CCDC88A: variants seen among roughly 807,000 people sequenced by gnomAD.
CCDC88A encodes girdin.
Under a neutral mutation model 234.3 loss-of-function variants are expected in CCDC88A, and 54 were observed. The observed-to-expected ratio is 0.23, with a 90% confidence interval of 0.19 to 0.29. The LOEUF is 0.29. Ranked by LOEUF, CCDC88A falls within the 10% of genes least tolerant of loss-of-function variation. The pLI, the probability that CCDC88A is intolerant of heterozygous loss-of-function variation, is 1.00. For synonymous variants in CCDC88A, 753 were observed against 737.8 expected (o/e 1.02, Z -0.33); for missense variants, 1,832 against 2,123.4 (o/e 0.86, Z 2.70).
chr2:55,306,886 A>G (rs1309016553), intron 25 of CCDC88A, among the ~76,000 whole-genome samples: 1 of 152,170 alleles, frequency 6.6e-6, no homozygotes, highest in East Asian at 1.9e-4. Context: ...TATAGCCCAT[A>G]ATTAATGCCT....
chr2:55,418,804 G>A lies in CCDC88A; in HGVS notation c.164+12C>T. 1 of 1,594,776 alleles carries A rather than the reference G, an allele frequency of 6.3e-7. No individual in the cohort carries two copies. The highest frequency in any genetic ancestry group is 8.6e-7 in the Non-Finnish European group (1 of 1,162,294). On this transcript the variant is annotated intron_variant, in intron 2 of 32. Transcript: ENST00000436346. ...AAAGAAAACGTTACCTAGGAAAGAAGGAAGAACTTACATTTGGAGCATGAC... is the reference window on the plus strand; with the variant it reads ...AAAGAAAACGTTACCTAGGAAAGAAAGAAGAACTTACATTTGGAGCATGAC...
chr2:55,320,836 G>A (rs1008705583), intron 18 of CCDC88A: 2 of 152,202 alleles, frequency 1.3e-5, no homozygotes, highest in African/African-American at 4.8e-5. Context: ...TAGGTTGGGT[G>A]TGGTGACTCA....
In CCDC88A at chr2:55,317,737, G is replaced by T. The variant is rs752352432; in HGVS notation, c.3429C>A (p.Ile1143=). The stretch of plus-strand genomic sequence containing the variant: ...GAGATTTTAGGTCTTCTCGCTCTTT[G>T]ATTACAGATTCATTTTCATTTTCTA... ...SSLENENESV[I]KEREDLKSLY... The change falls in exon 20 of 33, where the codon ATC becomes ATA. Residue 1143 remains isoleucine, a synonymous_variant. Transcript: ENST00000436346. This position sits in a 1 kb window ranked among gnomAD's most constrained non-coding sequence, Gnocchi z 4.2. 5 of 1,613,384 alleles carry T rather than the reference G, an allele frequency of 3.1e-6. No homozygotes were observed. The highest frequency in any genetic ancestry group is 3.4e-6 in the Non-Finnish European group (4 of 1,179,558).
intron 31 of CCDC88A, chr2:55,294,888 G>A (rs1679837325): frequency 3.7e-6 from 4 of 1,086,648 alleles, no homozygotes; most frequent in Non-Finnish European, 3.4e-6. Flanking sequence ...TTTTGGTGTG[G>A]TTACACATTC....
At chr2:55,371,021 C>G (rs974480914) in intron 5 of CCDC88A, among the ~76,000 whole-genome samples, 40 of 152,140 alleles carry the variant, frequency 2.6e-4, no homozygotes, top group African/African-American at 8.9e-4. Context: ...AAAAAAGGTC[C>G]TTGGTTCTGC....
chr2:55,320,816 A>C (rs1409762501), intron 18 of CCDC88A: 1 of 152,202 alleles, frequency 6.6e-6, no homozygotes, highest in African/African-American at 2.4e-5. Context: ...CTGAAAATTG[A>C]TGTGATTTTT....
rs1680047328 is a variant in CCDC88A at position 55,296,513 on chromosome 2, A to G, written c.4836T>C (p.Val1612=). 1 of 1,613,744 alleles carries G rather than the reference A, an allele frequency of 6.2e-7. No homozygotes were observed. The highest frequency in any genetic ancestry group is 8.5e-7 in the Non-Finnish European group (1 of 1,179,838). Residue 1612 remains valine, a synonymous_variant, in exon 30 of 33, where the codon GTT becomes GTC. Coordinates refer to ENST00000436346, the MANE Select transcript of CCDC88A (RefSeq NM_001365480.1). ...GGCTTTGTGGCCTGCTTTGGTTATTAACTGCACCTGCTTTTGGAGTAAATG... is the reference window on the plus strand; with the variant it reads ...GGCTTTGTGGCCTGCTTTGGTTATTGACTGCACCTGCTTTTGGAGTAAATG... ...ASLHEVKAGA[V]NNQSRPQSHS... is the part of the protein sequence containing the mutation.
At chr2:55,355,003 A>T (rs1182667952) in intron 8 of CCDC88A, among the ~76,000 whole-genome samples, 1 of 150,284 alleles carries the variant, frequency 6.7e-6, no homozygotes, top group Admixed American at 6.7e-5. Context: ...GGGATTTTTC[A>T]GCACCATTGT....
chr2:55,397,642 T>A (rs1677854119), intron 2 of CCDC88A, among the ~76,000 whole-genome samples: 1 of 152,044 alleles, frequency 6.6e-6, no homozygotes, highest in African/African-American at 2.4e-5. Flanking sequence ...GCTATCTTTG[T>A]CCCTGACAGA....
chr2:55,338,059 A>G (rs2104700564), intron 13 of CCDC88A, among the ~76,000 whole-genome samples: 1 of 152,300 alleles, frequency 6.6e-6, no homozygotes, highest in East Asian at 1.9e-4. Flanking sequence ...ATTAAAGTGA[A>G]ACATTCAGTT....
In CCDC88A at chr2:55,374,881, C is replaced by T; in HGVS notation, c.276G>A (p.Glu92=). The change falls in exon 4 of 33, where the codon GAG becomes GAA. Residue 92 remains glutamate, a splice_region_variant and synonymous_variant. Coordinates refer to ENST00000436346, the MANE Select transcript of CCDC88A (RefSeq NM_001365480.1). ...LVRQIKFYYQ[E]TLQQLIMMSL... is the part of the protein sequence containing the mutation. ...ACATCATGATCAATTGCTGCAAAGT[C>T]TCCTGTAAAAAAATATCCAACACTT... The T allele has an allele frequency of 6.3e-7, 1 of 1,599,662 alleles. No homozygotes were observed. Among genetic ancestry groups the T allele is most frequent in the Non-Finnish European group, 8.6e-7 (1 of 1,168,658 alleles).
chr2:55,415,905 C>G (rs1681291740), intron 2 of CCDC88A, among the ~76,000 whole-genome samples: 1 of 151,912 alleles, frequency 6.6e-6, no homozygotes, highest in African/African-American at 2.4e-5. Flanking sequence ...TAATGCATCC[C>G]AGAACGAAGC....
rs559297491 is a variant in CCDC88A at position 55,369,594 on chromosome 2, A to G, written c.402+2858T>C. Among the ~76,000 whole-genome samples, 12 of 151,904 alleles carry G rather than the reference A, an allele frequency of 7.9e-5. 1 individual carries two copies. Among genetic ancestry groups the G allele is most frequent in the African/African-American group, 2.7e-4 (11 of 41,414 alleles). ...AGCCTCCTGCGTAGCTGGGACTACA[A>G]GCGCAAGCCACTATGCCCAGCTATT... On this transcript the variant is annotated intron_variant, in intron 5 of 32. Coordinates refer to ENST00000436346, the MANE Select transcript of CCDC88A (RefSeq NM_001365480.1).
Position 55,334,494 on chromosome 2 carries a change from T to G in CCDC88A, c.2327A>C (p.Asn776Thr). ...QRLQKTLENS[N>T]KKIQQLESEL... ...ACTCTCTAATTGCTGGATTTTTTTA[T>G]TGCTGTTCTCTAAAGTTTTTTGCAG... The change falls in exon 15 of 33, where the codon AAT becomes ACT. Residue 776 changes from asparagine to threonine, a missense_variant. Asn to Thr is a moderately conservative substitution (Grantham distance 65). This residue lies in a region of CCDC88A where 1,282 missense variants were observed against 1,543.6 expected (regional missense o/e 0.83). Coordinates refer to ENST00000436346, the MANE Select transcript of CCDC88A (RefSeq NM_001365480.1). This position sits in a 1 kb window ranked among gnomAD's most constrained non-coding sequence, Gnocchi z 6.1. 1 of 1,608,072 alleles carries G rather than the reference T, an allele frequency of 6.2e-7. No individual in the cohort carries two copies. Among genetic ancestry groups the G allele is most frequent in the Non-Finnish European group, 8.5e-7 (1 of 1,178,524 alleles).
chr2:55,358,795 T>C (rs1420139787), intron 7 of CCDC88A, among the ~76,000 whole-genome samples: 1 of 151,956 alleles, frequency 6.6e-6, no homozygotes, highest in East Asian at 1.9e-4. Context: ...AAAATCACAA[T>C]CCCTTCTTGG....
intron 2 of CCDC88A, among the ~76,000 whole-genome samples, chr2:55,393,256 C>T (rs557156664): frequency 7.5e-6 from 1 of 133,548 alleles, no homozygotes; most frequent in Non-Finnish European, 1.6e-5. Flanking sequence ...TATTGTGTAA[C>T]AGGAATATAG....
At chr2:55,306,653 T>C (rs961001997) in intron 25 of CCDC88A, among the ~76,000 whole-genome samples, 1 of 152,168 alleles carries the variant, frequency 6.6e-6, no homozygotes, top group Admixed American at 6.5e-5. Flanking sequence ...TGGTGCAATA[T>C]TGGCTTACTG....
rs187462669 is a variant in CCDC88A at position 55,336,581 on chromosome 2, C to T, written c.1656+100G>A. On this transcript the variant is annotated intron_variant, in intron 14 of 32. Transcript: ENST00000436346. Reference sequence around the variant, plus strand: ...AAATAAAAAAATTCTAAAATATTTCCCTTTAATGTTTATATGAACATTTTG... The same window carrying T: ...AAATAAAAAAATTCTAAAATATTTCTCTTTAATGTTTATATGAACATTTTG... The T allele has an allele frequency of 7.8e-3, 5,398 of 691,974 alleles. 65 individuals are homozygous for T. Among genetic ancestry groups the T allele is most frequent in the Non-Finnish European group, 7.2e-3 (3,211 of 443,324 alleles). The allele number at this position is 691,974 out of a possible 1,614,324, so 42.9% of individuals were successfully genotyped here.
At chr2:55,299,103 T>C (rs2589115) in intron 29 of CCDC88A, among the ~76,000 whole-genome samples, 135,054 of 152,056 alleles carry the variant, frequency 0.89, 60,771 homozygotes, top group East Asian at 0.97. Context: ...ACTTGGGAGG[T>C]TGAGACAGGA....
Sources: gnomAD v4.1 joint callset for allele counts (sites outside exome capture counted in the v4.1 genomes callset) on GRCh38, gnomAD v4.1.1 for gene constraint, gnomAD v4.1.1 regional missense constraint, Gnocchi (gnomAD v3.1) non-coding constraint, MANE v1.5 for transcripts, NCBI Gene and HGNC (gene_info 2026-07-23, HGNC 2026-07-21) for gene names.